The following UBA6 variants were observed in gnomAD, a reference collection of about 807,000 sequenced individuals.
The protein encoded by UBA6 is ubiquitin-like modifier-activating enzyme 6.
Under a neutral mutation model 148.3 loss-of-function variants are expected in UBA6, and 87 were observed. The observed-to-expected ratio is 0.59, with a 90% CI of 0.49 to 0.70. UBA6 has a LOEUF of 0.70. Ranked by LOEUF, UBA6 falls within the 30% of genes least tolerant of loss-of-function variation. The pLI is 0.00. For missense variants in UBA6, 1,186 were observed against 1,241.2 expected (o/e 0.96, Z 0.67); for synonymous variants, 376 against 401.0 (o/e 0.94, Z 0.75).
chr4:67,673,705 G>A lies in UBA6; in HGVS notation c.538C>T (p.Pro180Ser). Residue 180 changes from proline to serine, a missense_variant, in exon 7 of 33, where the codon CCA becomes TCA. Pro to Ser is a moderately conservative substitution (Grantham distance 74). Coordinates refer to ENST00000322244, the MANE Select transcript of UBA6 (RefSeq NM_018227.6). ...INDFCRSQCP[P>S]IKFISADVHG... ...CTAAATGATACAATTACCTTAATTG[G>A]AGGGCACTGAGAACGGCAAAAGTCA... 2 of 1,606,984 alleles carry A rather than the reference G, an allele frequency of 1.2e-6. No homozygotes were observed. Among genetic ancestry groups the A allele is most frequent in the Non-Finnish European group, 1.7e-6 (2 of 1,174,576 alleles).
intron 13 of UBA6, among the ~76,000 whole-genome samples, chr4:67,661,008 GT>G (rs894611240): frequency 1.1e-4 from 16 of 152,072 alleles, no homozygotes; most frequent in African/African-American, 3.6e-4. Flanking sequence ...AAGTCCCTTT[GT>G]TTTGTCCAAT....
Position 67,616,496 on chromosome 4 carries a change from G to C in UBA6, c.*2501C>G. On this transcript the variant is annotated 3_prime_UTR_variant, in exon 33 of 33. Coordinates refer to ENST00000322244, the MANE Select transcript of UBA6 (RefSeq NM_018227.6). ...TGGGACAATTTATGAGGAACTTATG[G>C]ACAAGTAACAGAACTGCTTTGAACT... The C allele has an allele frequency of 5.3e-6, 1 of 188,918 alleles. No homozygotes were observed. The highest frequency in any genetic ancestry group is 6.1e-5 in the Admixed American group (1 of 16,456). The allele number at this position is 188,918 out of a possible 1,614,324, so 11.7% of individuals were successfully genotyped here. A position where few individuals can be genotyped will look rare whatever the true frequency, so the allele number is the denominator to read the frequency against.
chr4:67,689,198 C>T (rs938008922), intron 2 of UBA6, among the ~76,000 whole-genome samples: 3 of 152,058 alleles, frequency 2.0e-5, no homozygotes, highest in Non-Finnish European at 4.4e-5. Context: ...TGTAAGTGTT[C>T]CAAGAATATC....
chr4:67,681,554 T>C lies in UBA6; in HGVS notation c.258+9A>G, dbSNP rs776596688. 26 of 1,566,954 alleles carry C rather than the reference T, an allele frequency of 1.7e-5. No individual in the cohort carries two copies. In the African/African-American group the frequency reaches 2.9e-4, roughly 18 times the overall value. On this transcript the variant is annotated intron_variant, in intron 4 of 32. Transcript: ENST00000322244. ...ATAACAATTTTTCTTACAGAGGACA[T>C]TTACTTACCTTAATCCCTGCAAGAA...
intron 4 of UBA6, among the ~76,000 whole-genome samples, chr4:67,679,197 A>G (rs1467901428): frequency 6.6e-6 from 1 of 152,194 alleles, no homozygotes; most frequent in South Asian, 2.1e-4. Flanking sequence ...AGATAAACAT[A>G]TATACCCACA....
intron 13 of UBA6, among the ~76,000 whole-genome samples, chr4:67,659,964 C>T (rs6849445): frequency 0.23 from 34,886 of 151,892 alleles, 4,155 homozygotes; most frequent in Middle Eastern, 0.3. Context: ...GCATTTTGCC[C>T]CTGCCCTAGA....
intron 27 of UBA6, among the ~76,000 whole-genome samples, chr4:67,628,378 A>C (rs1294722081): frequency 6.6e-6 from 1 of 151,798 alleles, no homozygotes; most frequent in Non-Finnish European, 1.5e-5. Context: ...CTGACCTTAA[A>C]AGCTTTTCAA....
At chr4:67,664,177 T>C (rs1729933215) in intron 10 of UBA6, among the ~76,000 whole-genome samples, 2 of 152,166 alleles carry the variant, frequency 1.3e-5, no homozygotes, top group South Asian at 4.1e-4. Context: ...ATAATAAATT[T>C]GGGAACAATT....
In UBA6 at chr4:67,623,239, T is replaced by C. The variant is rs758128645; in HGVS notation, c.2841-17A>G. 10 of 1,588,196 alleles carry C rather than the reference T, an allele frequency of 6.3e-6. No individual in the cohort carries two copies. The highest frequency in any genetic ancestry group is 2.7e-5 in the African/African-American group (2 of 74,266). On this transcript the variant is annotated splice_polypyrimidine_tract_variant and intron_variant, in intron 30 of 32. Transcript: ENST00000322244. Reference sequence around the variant, plus strand: ...ATTCCATTTCTGTTACAGAAAAATATTCAGAACAGAAACATTGAAATTTTC... The same window carrying C: ...ATTCCATTTCTGTTACAGAAAAATACTCAGAACAGAAACATTGAAATTTTC...
At position 67,670,423 on chromosome 4, in the gene UBA6, T is replaced by A. The variant is rs774609567; in HGVS notation, c.669+47A>T. 1.5e-5 allele frequency: 22 copies of A among 1,510,344 alleles called. 1 individual carries two copies. In the South Asian group the frequency reaches 2.5e-4, roughly 17 times the overall value. 93.6% of individuals were successfully genotyped at this position (1,510,344 alleles called of 1,614,324 possible). A position where few individuals can be genotyped will look rare whatever the true frequency, so the allele number is the denominator to read the frequency against. On this transcript the variant is annotated intron_variant, in intron 8 of 32. Coordinates refer to ENST00000322244, the MANE Select transcript of UBA6 (RefSeq NM_018227.6). ...CACCTTTCTGAAAACAGCATTCACATCAACTTTAACAAAATTTATTTTAAA... is the reference window on the plus strand; with the variant it reads ...CACCTTTCTGAAAACAGCATTCACAACAACTTTAACAAAATTTATTTTAAA...
chr4:67,659,375 G>C (rs1455529577), intron 13 of UBA6, among the ~76,000 whole-genome samples: 1 of 152,118 alleles, frequency 6.6e-6, no homozygotes, highest in East Asian at 1.9e-4. Flanking sequence ...TAACTGGATG[G>C]TGGGGGTGGT....
intron 28 of UBA6, 35 bp from the exon 29 acceptor site, chr4:67,625,222 G>T (rs778499037): frequency 5.3e-6 from 8 of 1,520,238 alleles, no homozygotes; most frequent in Non-Finnish European, 7.1e-6. Context: ...AAGTTCCACA[G>T]CAAGCAGTAA....
In UBA6 at chr4:67,701,113, C is replaced by T. The variant is rs1252070574; in HGVS notation, c.7G>A (p.Gly3Arg). The T allele has an allele frequency of 1.2e-6, 2 of 1,613,084 alleles. No individual in the cohort carries two copies. The highest frequency in any genetic ancestry group is 2.2e-5 in the East Asian group (1 of 44,856). ...TGATGGGCGGCCACAGGCTCGGATC[C>T]TTCCATTGCCGCCTGAGACACCGCC... ME[G>R]SEPVAAHQGE... is the part of the protein sequence containing the mutation. The change falls in exon 1 of 33, where the codon GGA (glycine) becomes AGA (arginine). Residue 3 changes from glycine (G) to arginine (R), a missense_variant. By Grantham distance (125) the Gly-to-Arg change is moderately radical (BLOSUM62 -2). Coordinates refer to ENST00000322244, the MANE Select transcript of UBA6 (RefSeq NM_018227.6).
rs1728869100 is a variant in UBA6 at position 67,626,413 on chromosome 4, C to T, written c.2465G>A (p.Arg822Lys). ...CTTTTCTAGTTGGAAAATTGCATTC[C>T]TCTCATCTTCACTGCTAATAGGAAC... is the stretch of plus-strand genomic sequence containing the variant. ...DHVPISSEDERNAIFQLEKAI... is the reference protein window; with the variant it reads ...DHVPISSEDEKNAIFQLEKAI... The change falls in exon 28 of 33, where the codon AGG becomes AAG. Residue 822 changes from arginine (R) to lysine (K), a missense_variant. Coordinates refer to ENST00000322244, the MANE Select transcript of UBA6 (RefSeq NM_018227.6). 6.2e-7 allele frequency: 1 copy of T among 1,611,384 alleles called. No homozygotes were observed. Among genetic ancestry groups the T allele is most frequent in the Admixed American group, 1.7e-5 (1 of 59,844 alleles).
rs1463819309 is a variant in UBA6 at position 67,631,733 on chromosome 4, T to C, written c.2233A>G (p.Ile745Val). 2 of 1,610,050 alleles carry C rather than the reference T, an allele frequency of 1.2e-6. No homozygotes were observed. The highest frequency in any genetic ancestry group is 1.7e-6 in the Non-Finnish European group (2 of 1,178,272). The change falls in exon 25 of 33, where the codon ATA becomes GTA. Residue 745 changes from isoleucine to valine, a missense_variant. Physicochemically the swap from Ile to Val is conservative, Grantham distance 29 (BLOSUM62 3). Coordinates refer to ENST00000322244, the MANE Select transcript of UBA6 (RefSeq NM_018227.6). ...WQSPKRPPSP[I>V]KFDLNEPLHL... The stretch of plus-strand genomic sequence containing the variant: ...AAAGGCTCATTTAAATCAAATTTTA[T>C]TGGAGAGGGTGGCCTCTTTGGTGAC...
intron 2 of UBA6, 92 bp downstream of exon 2, chr4:67,696,553 G>T: frequency 2.2e-6 from 2 of 927,004 alleles, no homozygotes; most frequent in Non-Finnish European, 3.3e-6. Context: ...ATATAATTCT[G>T]CATAGGCTGA....
At chr4:67,647,910 A>T (rs937570497) in intron 14 of UBA6, among the ~76,000 whole-genome samples, 2 of 150,866 alleles carry the variant, frequency 1.3e-5, no homozygotes, top group Non-Finnish European at 2.9e-5. Flanking sequence ...AGTAGCTGGG[A>T]CTACAGGGGC....
Position 67,614,794 on chromosome 4 carries a change from A to G in UBA6, c.*4203T>C, listed in dbSNP as rs950887621. 6.6e-6 allele frequency: 1 copy of G among 152,308 alleles called. No individual in the cohort carries two copies. The highest frequency in any genetic ancestry group is 1.9e-4 in the East Asian group (1 of 5,178). The allele number at this position is 152,308 out of a possible 1,614,324, so 9.4% of individuals were successfully genotyped here. A position where few individuals can be genotyped will look rare whatever the true frequency, so the allele number is the denominator to read the frequency against. The stretch of plus-strand genomic sequence containing the variant: ...GGCAAGCCACAAATTGGGAGAAGAT[A>G]TTGGCAACTATACAGCCAACAAAGA... On this transcript the variant is annotated 3_prime_UTR_variant, in exon 33 of 33. Transcript: ENST00000322244.
Position 67,634,335 on chromosome 4 carries a change from AAAG to A in UBA6, c.1933-16_1933-14del. 1 of 1,572,506 alleles carries A rather than the reference AAAG, an allele frequency of 6.4e-7. No homozygotes were observed. Among genetic ancestry groups the A allele is most frequent in the Non-Finnish European group, 8.6e-7 (1 of 1,167,496 alleles). On this transcript the variant is annotated splice_polypyrimidine_tract_variant and intron_variant, in intron 21 of 32. Transcript: ENST00000322244. ...AGGAACTTTCAAACTGTAACAGAGA[AAAG>A]AAAAAAAAAATTACAAATAGAAGTC...
Sources: gnomAD v4.1 joint callset for allele counts (sites outside exome capture counted in the v4.1 genomes callset) on GRCh38, gnomAD v4.1.1 for gene constraint, MANE v1.5 for transcripts, NCBI Gene and HGNC (gene_info 2026-07-23, HGNC 2026-07-21) for gene names.